Variants in SLC35F3 observed in about 807,000 individuals in gnomAD.
SLC35F3 encodes putative thiamine transporter SLC35F3.
Under a neutral mutation model 49.9 loss-of-function variants are expected in SLC35F3, and 25 were observed. That is an observed-to-expected ratio of 0.50 (90% confidence interval 0.37 to 0.70). SLC35F3 has a LOEUF of 0.70. Among genes scored for constraint, SLC35F3 ranks in the 30% least tolerant of loss-of-function variants. The probability of loss-of-function intolerance (pLI) is 0.00; values close to 1 mark genes in which losing one functional copy is unlikely to be tolerated. For synonymous variants in SLC35F3, 275 were observed against 265.4 expected (o/e 1.04, Z -0.35); for missense variants, 525 against 639.8 (o/e 0.82, Z 1.94).
At chr1:234,289,782 A>T (rs1313328035) in intron 3 of SLC35F3, among the ~76,000 whole-genome samples, 2 of 152,226 alleles carry the variant, frequency 1.3e-5, no homozygotes, top group African/African-American at 4.8e-5. Context: ...AGTACCACAC[A>T]GATAGTATTT....
At chr1:233,999,022 A>G (rs1290247124) in intron 2 of SLC35F3, among the ~76,000 whole-genome samples, 2 of 152,204 alleles carry the variant, frequency 1.3e-5, no homozygotes. Flanking sequence ...CCTCATGCTC[A>G]ATACAGACGG....
At chr1:234,160,065 T>C (rs1251648534) in intron 2 of SLC35F3, among the ~76,000 whole-genome samples, 1 of 152,190 alleles carries the variant, frequency 6.6e-6, no homozygotes, top group African/African-American at 2.4e-5. Context: ...TATCTGTTGA[T>C]AGGATTTGGA....
chr1:234,212,236 G>C (rs6586378), intron 2 of SLC35F3, among the ~76,000 whole-genome samples: 74,863 of 152,044 alleles, frequency 0.49, 19,650 homozygotes, highest in Non-Finnish European at 0.59. Context: ...TTGTCATTGT[G>C]ACTTGCCTAG....
intron 2 of SLC35F3, among the ~76,000 whole-genome samples, chr1:233,969,818 G>A (rs558675810): frequency 3.9e-5 from 6 of 152,282 alleles, no homozygotes; most frequent in African/African-American, 1.4e-4. Context: ...TGAGATGCAG[G>A]CCCCTCTTGT....
intron 3 of SLC35F3, among the ~76,000 whole-genome samples, chr1:234,250,044 A>G (rs1667711227): frequency 6.6e-6 from 1 of 152,354 alleles, no homozygotes; most frequent in East Asian, 1.9e-4. Flanking sequence ...CTAGAAATAT[A>G]TATGGGAGAA....
rs555409813 is a variant in SLC35F3 at position 234,097,828 on chromosome 1, T to G, written c.284-133589T>G. On this transcript the variant is annotated intron_variant, in intron 2 of 7. Transcript: ENST00000366618. ...ACAGAAAATACAGGTGTGGTAGAGA[T>G]AAGAATTTTGCATATATGAAAGAGA... Among the ~76,000 whole-genome samples the G allele has an allele frequency of 4.1e-3, 619 of 152,326 alleles. 7 individuals carry two copies. The highest frequency in any genetic ancestry group is 0.014 in the African/African-American group (582 of 41,562).
intron 2 of SLC35F3, among the ~76,000 whole-genome samples, chr1:234,119,760 C>G (rs1214487063): frequency 6.6e-6 from 1 of 152,220 alleles, no homozygotes; most frequent in Non-Finnish European, 1.5e-5. Context: ...ATAGTCAAAA[C>G]AGCTAAAAGT....
intron 3 of SLC35F3, chr1:234,285,245 G>T: frequency 2.3e-6 from 1 of 433,188 alleles, no homozygotes; most frequent in Admixed American, 2.5e-5. Flanking sequence ...TCCCTCAGAA[G>T]ATGAGGCTGC....
chr1:233,998,124 A>G (rs189530031), intron 2 of SLC35F3, among the ~76,000 whole-genome samples: 1 of 152,250 alleles, frequency 6.6e-6, no homozygotes, highest in Non-Finnish European at 1.5e-5. Flanking sequence ...TTCATATATA[A>G]TATATACTAT....
chr1:234,316,965 C>T (rs1657504443), intron 5 of SLC35F3, among the ~76,000 whole-genome samples: 1 of 152,226 alleles, frequency 6.6e-6, no homozygotes. Flanking sequence ...CTATCTGTAG[C>T]CACATCGTTG....
chr1:233,938,956 A>G (rs1325865825), intron 2 of SLC35F3, among the ~76,000 whole-genome samples: 1 of 152,194 alleles, frequency 6.6e-6, no homozygotes, highest in Non-Finnish European at 1.5e-5. Flanking sequence ...CTATTAGTAG[A>G]TTACTGGGTC....
intron 2 of SLC35F3, among the ~76,000 whole-genome samples, chr1:234,155,537 G>C (rs902659172): frequency 5.3e-5 from 8 of 152,006 alleles, no homozygotes; most frequent in Non-Finnish European, 7.4e-5. Flanking sequence ...AGTTTCCCAA[G>C]TAGCTGGGAC....
chr1:233,970,332 G>T (rs1662972112), intron 2 of SLC35F3, among the ~76,000 whole-genome samples: 1 of 152,178 alleles, frequency 6.6e-6, no homozygotes, highest in African/African-American at 2.4e-5. Context: ...CCAAACAACG[G>T]CAAGACCCAC....
In SLC35F3 at chr1:234,206,702, A is replaced by G. The variant is rs59015738; in HGVS notation, c.284-24715A>G. Among the ~76,000 whole-genome samples, 611 of 152,266 alleles carry G rather than the reference A, an allele frequency of 4.0e-3. 7 individuals are homozygous for G. The highest frequency in any genetic ancestry group is 0.013 in the African/African-American group (520 of 41,556). On this transcript the variant is annotated intron_variant, in intron 2 of 7. Transcript: ENST00000366618. ...GCAGGAAGCTGTAGCAAGTATACAAATAACTTCAAAGCAAGCCAGAACATG... is the reference window on the plus strand; with the variant it reads ...GCAGGAAGCTGTAGCAAGTATACAAGTAACTTCAAAGCAAGCCAGAACATG...
intron 2 of SLC35F3, among the ~76,000 whole-genome samples, chr1:234,012,201 T>C (rs530409683): frequency 3.9e-5 from 6 of 152,360 alleles, no homozygotes; most frequent in African/African-American, 1.4e-4. Context: ...CAAGGCAGCA[T>C]TGCTGCCAAC....
chr1:234,040,279 T>C (rs907749468), intron 2 of SLC35F3, among the ~76,000 whole-genome samples: 1 of 152,152 alleles, frequency 6.6e-6, no homozygotes, highest in African/African-American at 2.4e-5. Flanking sequence ...GCTGCTTCTT[T>C]CCTCTACCAG....
intron 2 of SLC35F3, among the ~76,000 whole-genome samples, chr1:233,994,713 G>T (rs1229718733): frequency 6.6e-6 from 1 of 152,150 alleles, no homozygotes; most frequent in Non-Finnish European, 1.5e-5. Context: ...AAGTGATTGG[G>T]TTGTAGCCCA....
intron 3 of SLC35F3, among the ~76,000 whole-genome samples, chr1:234,260,627 G>T (rs1233774904): frequency 3.3e-5 from 5 of 152,190 alleles, no homozygotes; most frequent in African/African-American, 1.2e-4. Flanking sequence ...ATGAAATTCA[G>T]TTATCTTAAT....
chr1:234,299,838 A>G (rs1409925948), intron 3 of SLC35F3, among the ~76,000 whole-genome samples: 1 of 151,480 alleles, frequency 6.6e-6, no homozygotes, highest in South Asian at 2.1e-4. Context: ...AAGAAAAAAA[A>G]TTGTTAAGAT....
Sources: allele counts gnomAD v4.1 joint callset (sites outside exome capture counted in the v4.1 genomes callset), GRCh38; gene constraint gnomAD v4.1.1; transcripts MANE v1.5; gene names NCBI Gene and HGNC (gene_info 2026-07-23, HGNC 2026-07-21).